The following STXBP5 variants were observed in gnomAD, a reference collection of about 807,000 sequenced individuals.
STXBP5 encodes the protein syntaxin-binding protein 5.
In STXBP5, 50 loss-of-function variants were observed where a neutral mutation model predicts 152.4. The ratio of observed to expected loss-of-function variants is 0.33; its 90% CI spans 0.26 to 0.42. STXBP5 has a LOEUF of 0.42. Among genes scored for constraint, STXBP5 ranks in the 10% least tolerant of loss-of-function variants. The pLI is 1.00. For missense variants in STXBP5, 1,167 were observed against 1,388.6 expected, an observed-to-expected ratio of 0.84 and a Z score of 2.54; for synonymous variants, 492 against 494.7, an observed-to-expected ratio of 0.99 and a Z score of 0.07.
intron 2 of STXBP5, among the ~76,000 whole-genome samples, chr6:147,230,828 T>C (rs914136308): frequency 4.6e-5 from 7 of 151,904 alleles, no homozygotes; most frequent in Admixed American, 3.9e-4. Context: ...TGAGTTTCCT[T>C]ATTTGTAAAA....
chr6:147,365,534 G>A (rs1328686607), intron 25 of STXBP5, among the ~76,000 whole-genome samples: 1 of 152,036 alleles, frequency 6.6e-6, no homozygotes, highest in African/African-American at 2.4e-5. Context: ...GTTAATAGCA[G>A]CCATAGTTTA....
chr6:147,207,562 C>T (rs145659368), intron 2 of STXBP5, among the ~76,000 whole-genome samples: 249 of 152,140 alleles, frequency 1.6e-3, no homozygotes, highest in African/African-American at 5.6e-3. Context: ...TGTGTGAAGA[C>T]GGGAATGAAG....
At chr6:147,266,314 C>T (rs562433428) in intron 6 of STXBP5, among the ~76,000 whole-genome samples, 1 of 152,114 alleles carries the variant, frequency 6.6e-6, no homozygotes, top group East Asian at 1.9e-4. Context: ...GGTTTGTATT[C>T]TAGAACTCTT....
intron 19 of STXBP5, among the ~76,000 whole-genome samples, chr6:147,335,196 A>G (rs1015639139): frequency 1.3e-5 from 2 of 152,180 alleles, no homozygotes; most frequent in African/African-American, 2.4e-5. Context: ...ATATGGAGGA[A>G]TTGGTCACAT....
chr6:147,302,790 G>A (rs1176430634), intron 9 of STXBP5, among the ~76,000 whole-genome samples: 2 of 152,174 alleles, frequency 1.3e-5, no homozygotes, highest in African/African-American at 2.4e-5. Context: ...ACTCCAAATT[G>A]GTGGATTCAC....
chr6:147,246,254 C>T (rs992344282), intron 4 of STXBP5, among the ~76,000 whole-genome samples: 8 of 152,158 alleles, frequency 5.3e-5, no homozygotes, highest in Non-Finnish European at 1.2e-4. Context: ...AGCTACAACT[C>T]TCTTCTAGTC....
At chr6:147,288,225 C>CTGT (rs1781092637) in intron 8 of STXBP5, among the ~76,000 whole-genome samples, 1 of 152,152 alleles carries the variant, frequency 6.6e-6, no homozygotes, top group Admixed American at 6.6e-5. Context: ...TATTTGAGGT[C>CTGT]TGTGTCAAAT....
intron 21 of STXBP5, among the ~76,000 whole-genome samples, chr6:147,341,413 C>T (rs1465372924): frequency 2.0e-5 from 3 of 152,074 alleles, no homozygotes; most frequent in Non-Finnish European, 4.4e-5. Flanking sequence ...CCGTATCATC[C>T]GATCTGGTAC....
chr6:147,209,211 T>G (rs1776726453), intron 2 of STXBP5, among the ~76,000 whole-genome samples: 1 of 152,142 alleles, frequency 6.6e-6, no homozygotes, highest in South Asian at 2.1e-4. Flanking sequence ...ACTGAACTTG[T>G]GTAAAAATTT....
intron 8 of STXBP5, among the ~76,000 whole-genome samples, chr6:147,289,019 C>T (rs79518575): frequency 6.6e-6 from 1 of 152,116 alleles, no homozygotes; most frequent in Non-Finnish European, 1.5e-5. Context: ...CAGTGGAGTG[C>T]CCCCCGAAGG....
intron 5 of STXBP5, among the ~76,000 whole-genome samples, chr6:147,261,758 A>G (rs901713305): frequency 6.6e-6 from 1 of 151,928 alleles, no homozygotes; most frequent in Non-Finnish European, 1.5e-5. Flanking sequence ...TGATCTGTCA[A>G]ACTTGGGAGT....
intron 23 of STXBP5, among the ~76,000 whole-genome samples, chr6:147,360,839 C>A (rs995433182): frequency 6.6e-6 from 1 of 152,132 alleles, no homozygotes; most frequent in Admixed American, 6.5e-5. Context: ...CTCATTTATG[C>A]CCATCCAGAT....
intron 2 of STXBP5, among the ~76,000 whole-genome samples, chr6:147,226,912 G>A (rs1409786155): frequency 2.0e-5 from 3 of 152,100 alleles, no homozygotes; most frequent in African/African-American, 4.8e-5. Context: ...CTAAATGAGC[G>A]AACATGGAGG....
chr6:147,244,415 T>C (rs1188400581), intron 4 of STXBP5, among the ~76,000 whole-genome samples: 1 of 152,212 alleles, frequency 6.6e-6, no homozygotes, highest in Admixed American at 6.5e-5. Context: ...AACTTTAGAA[T>C]CAGTTTGTCA....
At chr6:147,359,362 G>T (rs1403030748) in intron 23 of STXBP5, 39 bp downstream of exon 23, 1 of 1,585,238 alleles carries the variant, frequency 6.3e-7, no homozygotes, top group Non-Finnish European at 8.6e-7. Flanking sequence ...CATTACAGGT[G>T]TGATTTACTA....
At chr6:147,317,367 G>A (rs1782697214) in intron 16 of STXBP5, among the ~76,000 whole-genome samples, 1 of 152,056 alleles carries the variant, frequency 6.6e-6, no homozygotes, top group Non-Finnish European at 1.5e-5. Context: ...CAGAGTTTTA[G>A]AAAATTATAT....
intron 19 of STXBP5, among the ~76,000 whole-genome samples, chr6:147,336,586 G>A (rs1783835838): frequency 6.6e-6 from 1 of 151,792 alleles, no homozygotes; most frequent in African/African-American, 2.4e-5. Context: ...ATAAAAATTA[G>A]TAATTAAATT....
chr6:147,364,282 T>C, intron 25 of STXBP5, 116 bp downstream of exon 25: 5 of 908,340 alleles, frequency 5.5e-6, no homozygotes, highest in Non-Finnish European at 7.9e-6. Flanking sequence ...CTTGGGAAAA[T>C]CCAGACTGTT....
chr6:147,223,982 A>G (rs1156821929), intron 2 of STXBP5, among the ~76,000 whole-genome samples: 2 of 152,204 alleles, frequency 1.3e-5, no homozygotes, highest in Non-Finnish European at 2.9e-5. Context: ...CAGGGCTGTG[A>G]AACTGTTACG....
Sources: gnomAD v4.1 joint callset for allele counts (sites outside exome capture counted in the v4.1 genomes callset) on GRCh38, gnomAD v4.1.1 for gene constraint, MANE v1.5 for transcripts, NCBI Gene and HGNC (gene_info 2026-07-23, HGNC 2026-07-21) for gene names.